Variants in ADAMTSL1 observed in about 807,000 individuals in gnomAD.
The protein encoded by ADAMTSL1 is ADAMTS-like protein 1.
ADAMTSL1 carries 126 observed loss-of-function variants against 201.8 expected under a neutral mutation model. That is an observed-to-expected ratio of 0.62 (90% CI 0.54 to 0.72). ADAMTSL1 has a LOEUF of 0.72. Ranked by LOEUF, ADAMTSL1 falls within the 30% of genes least tolerant of loss-of-function variation. ADAMTSL1 has a pLI of 0.00. For synonymous variants in ADAMTSL1, 1,121 were observed against 903.4 expected, an observed-to-expected ratio of 1.24 and a Z score of -4.32; for missense variants, 2,679 against 2,277.8, an observed-to-expected ratio of 1.18 and a Z score of -3.59.
intron 7 of ADAMTSL1, among the ~76,000 whole-genome samples, chr9:18,656,961 T>G (rs1237620401): frequency 6.6e-6 from 1 of 152,206 alleles, no homozygotes; most frequent in Non-Finnish European, 1.5e-5. Context: ...GCAATTTCCA[T>G]TAAGTACCAG....
chr9:18,902,698 G>C (rs1287420885), intron 26 of ADAMTSL1, among the ~76,000 whole-genome samples: 1 of 151,998 alleles, frequency 6.6e-6, no homozygotes, highest in Non-Finnish European at 1.5e-5. Context: ...AAAATTTATA[G>C]AAAATGAGCA....
chr9:18,308,625 G>C (rs1210518209), intron 2 of ADAMTSL1, among the ~76,000 whole-genome samples: 2 of 152,184 alleles, frequency 1.3e-5, no homozygotes, highest in African/African-American at 4.8e-5. Context: ...ACCTTCCCCA[G>C]ACTAAACCAG....
intron 1 of ADAMTSL1, among the ~76,000 whole-genome samples, chr9:18,037,543 G>A (rs1440747862): frequency 6.6e-6 from 1 of 152,102 alleles, no homozygotes; most frequent in Non-Finnish European, 1.5e-5. Context: ...AAGTGTTAAT[G>A]ATTGTCAAAG....
rs762303941 is a variant in ADAMTSL1 at position 18,639,207 on chromosome 9, T to G, written c.677-47T>G. On this transcript the variant is annotated intron_variant, in intron 6 of 28. Transcript: ENST00000380548. ...TGCATGAAATGTGCTTGCCTGTGGT[T>G]GCCCTAGGAACATCTTTCTCTCATC... is the stretch of plus-strand genomic sequence containing the variant. 29 of 1,593,920 alleles carry G rather than the reference T, an allele frequency of 1.8e-5. 2 individuals are homozygous for G. The South Asian group carries it at 3.2e-4, about 18-fold the overall frequency.
intron 2 of ADAMTSL1, among the ~76,000 whole-genome samples, chr9:18,318,142 A>T (rs1394696891): frequency 6.6e-6 from 1 of 152,198 alleles, no homozygotes. Context: ...GTCATAAGTG[A>T]TTTAGTAAAT....
At chr9:18,847,401 A>G (rs1052275610) in intron 23 of ADAMTSL1, among the ~76,000 whole-genome samples, 1 of 152,226 alleles carries the variant, frequency 6.6e-6, no homozygotes, top group African/African-American at 2.4e-5. Flanking sequence ...CAAAACAGAC[A>G]AAAGTCCCTC....
intron 2 of ADAMTSL1, among the ~76,000 whole-genome samples, chr9:18,298,461 A>T (rs537885556): frequency 6.6e-6 from 1 of 152,274 alleles, no homozygotes; most frequent in South Asian, 2.1e-4. Flanking sequence ...CACTGACTGA[A>T]TTTTGACCTA....
chr9:18,107,752 A>T (rs747451254), intron 1 of ADAMTSL1, among the ~76,000 whole-genome samples: 2 of 152,168 alleles, frequency 1.3e-5, no homozygotes, highest in Non-Finnish European at 2.9e-5. Context: ...ACATTAAATC[A>T]TTGTGAATTT....
chr9:18,615,886 A>G lies in ADAMTSL1; in HGVS notation c.475-6357A>G, dbSNP rs112113301. On this transcript the variant is annotated intron_variant, in intron 4 of 28. Transcript: ENST00000380548. ...GTGCTGCTGCTGATTAGTAATATCT[A>G]CTGTGGTCCTGGTAGGAGGTATAGC... Among the ~76,000 whole-genome samples, 372 of 152,210 alleles carry G rather than the reference A, an allele frequency of 2.4e-3. 5 individuals carry two copies. The highest frequency in any genetic ancestry group is 8.7e-3 in the African/African-American group (361 of 41,548).
At chr9:18,108,222 A>G (rs1824848340) in intron 1 of ADAMTSL1, among the ~76,000 whole-genome samples, 1 of 143,908 alleles carries the variant, frequency 6.9e-6, no homozygotes, top group African/African-American at 2.6e-5. Flanking sequence ...TTTTTTTGAA[A>G]CAGGGTTCTA....
At chr9:18,872,900 C>A (rs1827948013) in intron 23 of ADAMTSL1, among the ~76,000 whole-genome samples, 1 of 152,132 alleles carries the variant, frequency 6.6e-6, no homozygotes, top group South Asian at 2.1e-4. Context: ...ATTTTCAGTT[C>A]TTTAAAGAAT....
chr9:18,176,955 G>A (rs1828193756), intron 2 of ADAMTSL1, among the ~76,000 whole-genome samples: 1 of 152,168 alleles, frequency 6.6e-6, no homozygotes, highest in Non-Finnish European at 1.5e-5. Flanking sequence ...AGGTTCAAAG[G>A]AGTTGATGAG....
chr9:17,972,244 TG>T (rs1158563790), intron 1 of ADAMTSL1, among the ~76,000 whole-genome samples: 7 of 140,228 alleles, frequency 5.0e-5, no homozygotes, highest in African/African-American at 1.8e-4. Context: ...ACATGTGCCA[TG>T]TTGGTGTGCT....
intron 2 of ADAMTSL1, among the ~76,000 whole-genome samples, chr9:18,367,769 A>T (rs1836839517): frequency 6.6e-6 from 1 of 152,054 alleles, no homozygotes; most frequent in South Asian, 2.1e-4. Context: ...ATCGGCACAG[A>T]GTTACACATT....
At chr9:17,959,746 G>A (rs1817658498) in intron 1 of ADAMTSL1, among the ~76,000 whole-genome samples, 1 of 152,158 alleles carries the variant, frequency 6.6e-6, no homozygotes, top group East Asian at 1.9e-4. Flanking sequence ...GCAAGCCACT[G>A]CACTCAGCCT....
intron 16 of ADAMTSL1, among the ~76,000 whole-genome samples, chr9:18,760,676 C>T (rs1761492944): frequency 1.3e-5 from 2 of 152,322 alleles, no homozygotes; most frequent in South Asian, 2.1e-4. Flanking sequence ...AAAGGCACTT[C>T]ACCATGTGCT....
At chr9:18,610,021 G>T (rs11793203) in intron 4 of ADAMTSL1, among the ~76,000 whole-genome samples, 9,243 of 152,246 alleles carry the variant, frequency 0.061, 365 homozygotes, top group Non-Finnish European at 0.091. Flanking sequence ...GTGGTTTAGG[G>T]TTCCACATCA....
At chr9:18,405,838 T>G (rs1035165529) in intron 2 of ADAMTSL1, among the ~76,000 whole-genome samples, 14 of 152,232 alleles carry the variant, frequency 9.2e-5, no homozygotes. Flanking sequence ...CTTCTTCACC[T>G]GACCATTTCA....
intron 23 of ADAMTSL1, among the ~76,000 whole-genome samples, chr9:18,880,849 T>G (rs1427358500): frequency 6.6e-6 from 1 of 152,106 alleles, no homozygotes; most frequent in African/African-American, 2.4e-5. Context: ...AGAAGAGTGT[T>G]TCATCTACAC....
Sources: allele counts gnomAD v4.1 joint callset (sites outside exome capture counted in the v4.1 genomes callset), GRCh38; gene constraint gnomAD v4.1.1; transcripts MANE v1.5; gene names NCBI Gene and HGNC (gene_info 2026-07-23, HGNC 2026-07-21).